The following ASB3 variants were observed in gnomAD, a reference collection of about 807,000 sequenced individuals.
ASB3 encodes the protein ankyrin repeat and SOCS box protein 3.
Under a neutral mutation model 54.5 loss-of-function variants are expected in ASB3, and 41 were observed. The ratio of observed to expected loss-of-function variants is 0.75; its 90% confidence interval spans 0.59 to 0.98. ASB3 has a LOEUF of 0.98. ASB3 is among the 50% of genes least tolerant of loss of function. The pLI, the probability that ASB3 is intolerant of heterozygous loss-of-function variation, is 0.00. For missense variants in ASB3, 733 were observed against 620.0 expected, an observed-to-expected ratio of 1.18 and a Z score of -1.94; for synonymous variants, 266 against 221.2, an observed-to-expected ratio of 1.20 and a Z score of -1.80.
chr2:53,747,863 T>C (rs952733035), intron 3 of ASB3, among the ~76,000 whole-genome samples: 4 of 152,214 alleles, frequency 2.6e-5, no homozygotes, highest in East Asian at 1.9e-4. Flanking sequence ...AAGTCACATA[T>C]GTAATGTCTT....
intron 2 of ASB3, among the ~76,000 whole-genome samples, chr2:53,759,403 T>C (rs1418700303): frequency 6.6e-6 from 1 of 152,212 alleles, no homozygotes; most frequent in Non-Finnish European, 1.5e-5. Flanking sequence ...CATGACTCTA[T>C]TGAGGGCCAA....
chr2:53,717,003 G>C (rs1014046013), intron 5 of ASB3, among the ~76,000 whole-genome samples: 2 of 152,160 alleles, frequency 1.3e-5, no homozygotes, highest in Non-Finnish European at 1.5e-5. Flanking sequence ...GATTGCTTGA[G>C]GCCACGTGTT....
intron 5 of ASB3, among the ~76,000 whole-genome samples, chr2:53,727,400 T>C (rs536312845): frequency 3.1e-4 from 47 of 152,264 alleles, no homozygotes; most frequent in African/African-American, 9.6e-4. Flanking sequence ...TACAGTGTAA[T>C]CCCAGCACTT....
At chr2:53,764,618 G>A (rs1673333008) in intron 2 of ASB3, among the ~76,000 whole-genome samples, 1 of 152,180 alleles carries the variant, frequency 6.6e-6, no homozygotes, top group Admixed American at 6.5e-5. Context: ...TCACTCAGTA[G>A]TGTGCTGGTT....
At chr2:53,761,751 A>C (rs1434419634) in intron 2 of ASB3, among the ~76,000 whole-genome samples, 1 of 152,178 alleles carries the variant, frequency 6.6e-6, no homozygotes, top group Non-Finnish European at 1.5e-5. Flanking sequence ...TTGTCTATCT[A>C]TATATATTCT....
intron 7 of ASB3, among the ~76,000 whole-genome samples, chr2:53,709,714 A>G (rs1279284637): frequency 6.6e-6 from 1 of 152,194 alleles, no homozygotes; most frequent in Non-Finnish European, 1.5e-5. Flanking sequence ...AATTTCAGAG[A>G]TAATGTGTGA....
intron 2 of ASB3, chr2:53,763,414 T>A (rs951473028): frequency 5.9e-6 from 1 of 169,298 alleles, no homozygotes; most frequent in African/African-American, 2.4e-5. Context: ...CACCTGCAGA[T>A]TCAACCAACT....
chr2:53,737,243 A>G (rs540347552), intron 3 of ASB3, among the ~76,000 whole-genome samples: 3 of 152,304 alleles, frequency 2.0e-5, no homozygotes, highest in Admixed American at 2.0e-4. Context: ...CCAGCTCTGT[A>G]CCTGGGGACA....
intron 9 of ASB3, among the ~76,000 whole-genome samples, chr2:53,683,417 T>G (rs921661144): frequency 1.1e-4 from 17 of 151,464 alleles, no homozygotes; most frequent in East Asian, 3.9e-4. Context: ...CCTGTAGTGT[T>G]TTTTTTTTGG....
chr2:53,759,464 A>G (rs1373364875), intron 2 of ASB3, among the ~76,000 whole-genome samples: 1 of 152,180 alleles, frequency 6.6e-6, no homozygotes, highest in African/African-American at 2.4e-5. Flanking sequence ...ACATTAGAAC[A>G]AAACTTCAAA....
chr2:53,720,481 A>G, intron 5 of ASB3, among the ~76,000 whole-genome samples: 1 of 152,202 alleles, frequency 6.6e-6, no homozygotes, highest in East Asian at 1.9e-4. Flanking sequence ...AAAACCAACA[A>G]CAGTACAAAA....
At chr2:53,722,403 C>T (rs1354975629) in intron 5 of ASB3, among the ~76,000 whole-genome samples, 1 of 152,022 alleles carries the variant, frequency 6.6e-6, no homozygotes, top group Non-Finnish European at 1.5e-5. Flanking sequence ...ATAGTGCTGA[C>T]GAACATAGAT....
chr2:53,714,630 A>C, intron 6 of ASB3, 49 bp from the exon 7 acceptor site: 1 of 1,572,836 alleles, frequency 6.4e-7, no homozygotes, highest in Non-Finnish European at 8.6e-7. Flanking sequence ...TATGTGCATA[A>C]ATGTAGGCAA....
chr2:53,740,577 G>T (rs1332024968), intron 3 of ASB3, among the ~76,000 whole-genome samples: 5 of 152,116 alleles, frequency 3.3e-5, no homozygotes, highest in Admixed American at 3.3e-4. Context: ...ATACTAAAAA[G>T]TTATATTTCT....
chr2:53,759,661 A>AGCCTTTCCCTGT, intron 2 of ASB3, among the ~76,000 whole-genome samples: 1 of 152,320 alleles, frequency 6.6e-6, no homozygotes, highest in Middle Eastern at 3.4e-3. Flanking sequence ...GGCTGGGCAA[A>AGCCTTTCCCTGT]TCGAATGCCT....
At chr2:53,751,168 C>A (rs1672490936) in intron 2 of ASB3, among the ~76,000 whole-genome samples, 1 of 152,100 alleles carries the variant, frequency 6.6e-6, no homozygotes, top group African/African-American at 2.4e-5. Flanking sequence ...CACTAGCTCC[C>A]ATTTTCTCTT....
chr2:53,738,753 G>C (rs1490520287), intron 3 of ASB3, among the ~76,000 whole-genome samples: 1 of 152,182 alleles, frequency 6.6e-6, no homozygotes, highest in Non-Finnish European at 1.5e-5. Flanking sequence ...AGCTAGAAAA[G>C]TACTGTGGGT....
intron 9 of ASB3, among the ~76,000 whole-genome samples, chr2:53,691,989 C>T (rs1323356647): frequency 3.9e-5 from 6 of 152,186 alleles, no homozygotes; most frequent in Non-Finnish European, 7.3e-5. Context: ...TTCTCAACCT[C>T]GGCGCTACTG....
chr2:53,702,837 C>G (rs1308913413), intron 7 of ASB3, among the ~76,000 whole-genome samples: 1 of 152,202 alleles, frequency 6.6e-6, no homozygotes, highest in African/African-American at 2.4e-5. Context: ...GGGCAAATAT[C>G]TTCAGCATTT....
Sources: gnomAD v4.1 joint callset for allele counts (sites outside exome capture counted in the v4.1 genomes callset) on GRCh38, gnomAD v4.1.1 for gene constraint, MANE v1.5 for transcripts, NCBI Gene and HGNC (gene_info 2026-07-23, HGNC 2026-07-21) for gene names.